ZFP64: variants seen among roughly 807,000 people sequenced by gnomAD.
ZFP64 encodes zinc finger protein 64.
In ZFP64, 14 loss-of-function variants were observed where a neutral mutation model predicts 51.6. The observed-to-expected ratio is 0.27, with a 90% CI of 0.18 to 0.42. ZFP64 has a LOEUF of 0.42. ZFP64 is among the 10% of genes least tolerant of loss of function. The probability of loss-of-function intolerance (pLI) is 1.00; values close to 1 mark genes in which losing one functional copy is unlikely to be tolerated. For missense variants in ZFP64, 754 were observed against 906.8 expected (o/e 0.83, Z 2.16); for synonymous variants, 375 against 361.4 (o/e 1.04, Z -0.43).
At chr20:52,188,200 A>G (rs1430941885) in intron 1 of ZFP64, among the ~76,000 whole-genome samples, 1 of 151,586 alleles carries the variant, frequency 6.6e-6, no homozygotes, top group Non-Finnish European at 1.5e-5. Flanking sequence ...CTGATTCAAC[A>G]CTGCAATCAA....
rs771244712 is a variant in ZFP64 at position 52,152,411 on chromosome 20, G to A, written c.1781C>T (p.Pro594Leu). The stretch of plus-strand genomic sequence containing the variant: ...AGTTTGATTGCCAGAGCCTTCCTGG[G>A]GGCCACCTGAGGCCGTGGGGATGAG... ...QTLIPTASGG[P>L]QEGSGNQTFI... is the part of the protein sequence containing the mutation. The change falls in exon 6 of 6, where the codon CCC becomes CTC. Residue 594 changes from proline to leucine, a missense_variant. Physicochemically the swap from Pro to Leu is moderately conservative, Grantham distance 98. Around this residue, in one of 3 missense-constraint regions of ZFP64, gnomAD observed 428 missense variants for 472.4 expected, o/e 0.91. Transcript: ENST00000216923. 6.2e-7 allele frequency: 1 copy of A among 1,614,160 alleles called. No individual in the cohort carries two copies. The highest frequency in any genetic ancestry group is 1.3e-5 in the African/African-American group (1 of 75,056).
intron 5 of ZFP64, among the ~76,000 whole-genome samples, chr20:52,109,713 G>A (rs1389803172): frequency 1.3e-5 from 2 of 150,784 alleles, no homozygotes; most frequent in Admixed American, 6.6e-5. Context: ...CCCAGGAGGC[G>A]GAGGTTGCAG....
At chr20:52,104,604 G>T (rs2079090313) in intron 5 of ZFP64, 2 of 440,324 alleles carry the variant, frequency 4.5e-6, no homozygotes, top group Admixed American at 2.5e-5. Context: ...GACGCCCTGG[G>T]TCCCTGCGCT....
At chr20:52,110,367 C>G (rs1978495573) in intron 5 of ZFP64, 2 of 529,554 alleles carry the variant, frequency 3.8e-6, no homozygotes, top group African/African-American at 3.9e-5. Flanking sequence ...TTCTCAGCCC[C>G]CTTCTTCTGG....
At chr20:52,158,431 C>T (rs985982176) in intron 5 of ZFP64, among the ~76,000 whole-genome samples, 14 of 152,166 alleles carry the variant, frequency 9.2e-5, no homozygotes, top group Admixed American at 3.3e-4. Flanking sequence ...TTCAGCCCAG[C>T]GCGGTGGCTA....
At chr20:52,088,508 C>T (rs753689886) in exon 8 of ZFP64, 2 of 1,614,198 alleles carry the variant, frequency 1.2e-6, no homozygotes, top group Non-Finnish European at 1.7e-6. Context: ...CTTGAGGCTA[C>T]TGCTGTCCAC....
At chr20:52,105,516 G>A in intron 5 of ZFP64, 1 of 378,622 alleles carries the variant, frequency 2.6e-6, no homozygotes, top group Admixed American at 4.8e-5. Context: ...CAGACCCGCT[G>A]AATCAGAATC....
intron 5 of ZFP64, among the ~76,000 whole-genome samples, chr20:52,112,966 C>G (rs1978673405): frequency 6.6e-6 from 1 of 152,008 alleles, no homozygotes; most frequent in South Asian, 2.1e-4. Context: ...TTAATACTAC[C>G]ATTCTCTACT....
chr20:52,159,990 C>A (rs1354989975), intron 5 of ZFP64, 133 bp downstream of exon 5: 1 of 1,475,506 alleles, frequency 6.8e-7, no homozygotes, highest in African/African-American at 1.4e-5. Flanking sequence ...CAAAAAAAAA[C>A]AAAACTGCAA....
At chr20:52,151,181 C>A, downstream of ZFP64, 1 of 966,764 alleles carries the variant, frequency 1.0e-6, no homozygotes. Context: ...TATGAAAGGA[C>A]TAAAAACCTT....
Position 52,191,273 on chromosome 20 carries a change from G to A in ZFP64, c.46+318C>T, listed in dbSNP as rs896250700. Reference sequence around the variant, plus strand: ...CTTTCTCCTGCCCGCCCCAAACTCCGCCTGATGGGGCGGGAATGCCCTTAG... The same window carrying A: ...CTTTCTCCTGCCCGCCCCAAACTCCACCTGATGGGGCGGGAATGCCCTTAG... On this transcript the variant is annotated intron_variant, in intron 1 of 5. Coordinates refer to ENST00000216923, the MANE Select transcript of ZFP64 (RefSeq NM_018197.3). This position sits in a 1 kb window ranked among gnomAD's most constrained non-coding sequence, Gnocchi z 4.3. 3.3e-5 allele frequency among the ~76,000 whole-genome samples: 5 copies of A among 152,112 alleles called. No homozygotes were observed. The highest frequency in any genetic ancestry group is 6.5e-5 in the Admixed American group (1 of 15,284).
chr20:52,127,254 A>AT (rs371597670), intron 5 of ZFP64, among the ~76,000 whole-genome samples: 7,978 of 149,646 alleles, frequency 0.053, 281 homozygotes, highest in Admixed American at 0.11. Flanking sequence ...CTGGCCCAGA[A>AT]TTTTTTTTTT....
Position 52,151,496 on chromosome 20 carries a change from A to G in ZFP64, c.*650T>C. ...CTGGGAAGTACCATTTACTACACAA[A>G]TGTAATAAGATGGACAGAAACCTTT... On this transcript the variant is annotated 3_prime_UTR_variant, in exon 6 of 6. Coordinates refer to ENST00000216923, the MANE Select transcript of ZFP64 (RefSeq NM_018197.3). 1 of 985,562 alleles carries G rather than the reference A, an allele frequency of 1.0e-6. No individual in the cohort carries two copies. The highest frequency in any genetic ancestry group is 1.2e-6 in the Non-Finnish European group (1 of 830,056). The allele number at this position is 985,562 out of a possible 1,614,324, so 61.1% of individuals were successfully genotyped here.
chr20:52,102,107 C>CCAAAAAAAAAA (rs551838560), intron 5 of ZFP64, among the ~76,000 whole-genome samples: 20 of 63,424 alleles, frequency 3.2e-4, no homozygotes, highest in African/African-American at 1.2e-3. Flanking sequence ...ACTCCATCTC[C>CCAAAAAAAAAA]AAAAAAAAAA....
intron 5 of ZFP64, among the ~76,000 whole-genome samples, chr20:52,118,003 G>A (rs1480975222): frequency 6.6e-6 from 1 of 151,856 alleles, no homozygotes; most frequent in African/African-American, 2.4e-5. Flanking sequence ...TCACTACATT[G>A]CCCAGGCTGG....
chr20:52,085,515 G>A lies in ZFP64; in HGVS notation c.1229-249C>T, dbSNP rs1231639804. 6.6e-6 allele frequency among the ~76,000 whole-genome samples: 1 copy of A among 152,160 alleles called. No individual in the cohort carries two copies. The highest frequency in any genetic ancestry group is 2.4e-5 in the African/African-American group (1 of 41,434). On this transcript the variant is annotated intron_variant, in intron 8 of 8. Coordinates refer to the ZFP64 transcript ENST00000361387. This position sits in a 1 kb window ranked among gnomAD's most constrained non-coding sequence, Gnocchi z 4.3. ...AGAGAGGTCAAGTTACTTGGCTCAG[G>A]TCAAACAGCAGGGATTTGGAACCCA...
intron 7 of ZFP64, among the ~76,000 whole-genome samples, chr20:52,090,111 G>T (rs1159134989): frequency 2.0e-5 from 3 of 152,278 alleles, no homozygotes; most frequent in African/African-American, 4.8e-5. Context: ...GAACTGAGAA[G>T]AATTATTTCC....
chr20:52,096,741 T>C (rs1346438012), intron 7 of ZFP64: 1 of 187,420 alleles, frequency 5.3e-6, no homozygotes. Flanking sequence ...ATAGAAAAAT[T>C]AGCTGGGCAA....
At chr20:52,167,022 T>A (rs936659974) in intron 2 of ZFP64, among the ~76,000 whole-genome samples, 3 of 151,960 alleles carry the variant, frequency 2.0e-5, no homozygotes, top group Non-Finnish European at 4.4e-5. Flanking sequence ...AAACACAGAC[T>A]AAATATAAAA....
Sources: gnomAD v4.1 joint callset for allele counts (sites outside exome capture counted in the v4.1 genomes callset) on GRCh38, gnomAD v4.1.1 for gene constraint, gnomAD v4.1.1 regional missense constraint, Gnocchi (gnomAD v3.1) non-coding constraint, MANE v1.5 for transcripts, NCBI Gene and HGNC (gene_info 2026-07-23, HGNC 2026-07-21) for gene names.